The following HINFP variants were observed in gnomAD, a reference collection of about 807,000 sequenced individuals.
The protein encoded by HINFP is histone H4 transcription factor, also known as MBD2 (methyl-CpG-binding protein)-interacting zinc finger protein.
In HINFP, 20 loss-of-function variants were observed where a neutral mutation model predicts 50.1. That is an observed-to-expected ratio of 0.40 (90% CI 0.28 to 0.58). The LOEUF is 0.58. Ranked by LOEUF, HINFP falls within the 20% of genes least tolerant of loss-of-function variation. HINFP has a pLI of 0.45. For synonymous variants in HINFP, 247 were observed against 243.7 expected, an observed-to-expected ratio of 1.01 and a Z score of -0.13; for missense variants, 505 against 664.1, an observed-to-expected ratio of 0.76 and a Z score of 2.63.
At position 119,131,276 on chromosome 11, in the gene HINFP, A is replaced by G. The variant is rs183110124; in HGVS notation, c.412-259A>G. On this transcript the variant is annotated intron_variant, in intron 3 of 9. Coordinates refer to ENST00000350777, the MANE Select transcript of HINFP (RefSeq NM_198971.3). The surrounding 1 kb of genome is among the most constrained non-coding windows in gnomAD (Gnocchi z 4.2). ...GCTAACTTCTAAATTTTTTGTAGAG[A>G]CAAGGTCTGGGTGTGTTGCCCAGGC... 2.6e-3 allele frequency: 1,452 copies of G among 567,146 alleles called. 4 individuals carry two copies. Among genetic ancestry groups the G allele is most frequent in the Non-Finnish European group, 4.1e-3 (1,270 of 312,706 alleles). 35.1% of individuals were successfully genotyped at this position (567,146 alleles called of 1,614,324 possible).
rs1479606094 is a variant in HINFP at position 119,132,885 on chromosome 11, C to G, written c.897C>G (p.Leu299=). 1.2e-6 allele frequency: 2 copies of G among 1,614,214 alleles called. No homozygotes were observed. The highest frequency in any genetic ancestry group is 1.7e-6 in the Non-Finnish European group (2 of 1,180,040). The change falls in exon 8 of 10, where the codon CTC becomes CTG. Residue 299 remains leucine, a synonymous_variant. Transcript: ENST00000350777. ...GCAGCTGCAAGAATCTTATTGACCT[C>G]CAGAAGCACCTGGATACCCACAGCG... ...CDYSCKNLID[L]QKHLDTHSEE...
Position 119,127,006 on chromosome 11 carries a change from C to T in HINFP, c.62C>T (p.Ser21Phe), listed in dbSNP as rs772715836. ...CTGTGGCTACAGTGTGAGTGGGGGT[C>T]CTGCTCCTTTGTGTGCTCAACCATG... Reference protein sequence around the residue: ...ENLWLQCEWGSCSFVCSTMEK... With the variant: ...ENLWLQCEWGFCSFVCSTMEK... Residue 21 changes from serine (S) to phenylalanine (F), a missense_variant, in exon 2 of 10, where the codon TCC (serine) becomes TTC (phenylalanine). Coordinates refer to ENST00000350777, the MANE Select transcript of HINFP (RefSeq NM_198971.3). 6.2e-7 allele frequency: 1 copy of T among 1,614,008 alleles called. No individual in the cohort carries two copies. The highest frequency in any genetic ancestry group is 1.3e-5 in the African/African-American group (1 of 74,920).
intron 1 of HINFP, among the ~76,000 whole-genome samples, chr11:119,122,766 C>A (rs148859449): frequency 6.6e-6 from 1 of 152,116 alleles, no homozygotes; most frequent in East Asian, 1.9e-4. Flanking sequence ...GCCAGCTGTA[C>A]CTGGATGAAT....
In HINFP at chr11:119,131,336, G is replaced by T; in HGVS notation, c.412-199G>T. 1 of 602,606 alleles carries T rather than the reference G, an allele frequency of 1.7e-6. No individual in the cohort carries two copies. The highest frequency in any genetic ancestry group is 3.0e-6 in the Non-Finnish European group (1 of 331,940). The allele number at this position is 602,606 out of a possible 1,614,324, so 37.3% of individuals were successfully genotyped here. On this transcript the variant is annotated intron_variant, in intron 3 of 9. Transcript: ENST00000350777. The surrounding 1 kb of genome is among the most constrained non-coding windows in gnomAD (Gnocchi z 4.2). ...ACTCTTGGCCTCAAGTGATTCTCCT[G>T]CCTCAGCCTCTCAAAGTGCTGGGAT...
Position 119,134,356 on chromosome 11 carries a change from A to G in HINFP, c.1412A>G (p.Asn471Ser), listed in dbSNP as rs144762648. Residue 471 changes from asparagine (N) to serine (S), a missense_variant, in exon 10 of 10, where the codon AAT becomes AGT. Coordinates refer to ENST00000350777, the MANE Select transcript of HINFP (RefSeq NM_198971.3). The surrounding 1 kb of genome is among the most constrained non-coding windows in gnomAD (Gnocchi z 4.3). Reference protein sequence around the residue: ...SSVIHVVNQTNAQGQQEIVYY... With the variant: ...SSVIHVVNQTSAQGQQEIVYY... ...GTCATCCACGTGGTGAATCAGACCA[A>G]TGCCCAAGGCCAGCAAGAGATCGTC... 496 of 1,614,176 alleles carry G rather than the reference A, an allele frequency of 3.1e-4. No homozygotes were observed. The African/African-American group carries it at 4.8e-3, about 16-fold the overall frequency.
intron 1 of HINFP, among the ~76,000 whole-genome samples, chr11:119,122,675 A>C (rs1015061863): frequency 3.3e-5 from 5 of 152,176 alleles, no homozygotes; most frequent in Non-Finnish European, 7.4e-5. Context: ...TGTCCTGAGA[A>C]ACTCCTAGTC....
chr11:119,124,424 A>T (rs528051080), intron 1 of HINFP: 1 of 152,274 alleles, frequency 6.6e-6, no homozygotes, highest in South Asian at 2.1e-4. Flanking sequence ...AGAATTCCTG[A>T]GGAGAAGGTG....
intron 2 of HINFP, among the ~76,000 whole-genome samples, chr11:119,128,850 C>T (rs1327895268): frequency 6.6e-6 from 1 of 151,838 alleles, no homozygotes; most frequent in African/African-American, 2.4e-5. Context: ...AGGCACATGC[C>T]ACTATGCCCA....
intron 2 of HINFP, 50 bp from the exon 3 acceptor site, chr11:119,130,675 C>T: frequency 6.5e-7 from 1 of 1,540,966 alleles, no homozygotes; most frequent in African/African-American, 1.4e-5. Context: ...TGGAAGGTGA[C>T]CTGAGCCTTG....
Position 119,133,174 on chromosome 11 carries a change from G to A in HINFP, c.1094G>A (p.Arg365His), listed in dbSNP as rs1432794146. Residue 365 changes from arginine to histidine, a missense_variant, in exon 9 of 10, where the codon CGC becomes CAC. Coordinates refer to ENST00000350777, the MANE Select transcript of HINFP (RefSeq NM_198971.3). ...GGCAACAACCTCACCGTGCACCTTCGCAAGAAGCACCAGTTCAAGTGGCCC... is the reference window on the plus strand; with the variant it reads ...GGCAACAACCTCACCGTGCACCTTCACAAGAAGCACCAGTTCAAGTGGCCC... ...TRGNNLTVHL[R>H]KKHQFKWPSG... 4 of 1,614,188 alleles carry A rather than the reference G, an allele frequency of 2.5e-6. No individual in the cohort carries two copies. Among genetic ancestry groups the A allele is most frequent in the Non-Finnish European group, 2.5e-6 (3 of 1,180,056 alleles).
chr11:119,129,373 A>G (rs1003759959), intron 2 of HINFP, among the ~76,000 whole-genome samples: 4 of 150,944 alleles, frequency 2.6e-5, no homozygotes, highest in Admixed American at 2.0e-4. Flanking sequence ...GAGTCTTGCT[A>G]TGTTACCAGG....
At chr11:119,127,275 T>C in intron 2 of HINFP, 150 bp downstream of exon 2, 1 of 630,406 alleles carries the variant, frequency 1.6e-6, no homozygotes. Context: ...TGTAAACTCA[T>C]TTATAGAAAA....
intron 2 of HINFP, among the ~76,000 whole-genome samples, chr11:119,128,320 T>G (rs1479302233): frequency 4.6e-5 from 7 of 152,108 alleles, no homozygotes; most frequent in Non-Finnish European, 7.4e-5. Flanking sequence ...TTATTTTTTT[T>G]TTGAGATGGA....
At chr11:119,132,835 C>T (rs375828893) in intron 7 of HINFP, 29 bp from the exon 8 acceptor site, 9 of 1,614,126 alleles carry the variant, frequency 5.6e-6, no homozygotes, top group Non-Finnish European at 5.1e-6. Flanking sequence ...TCCCCATGTC[C>T]TCCAATCCCT....
chr11:119,131,007 C>G lies in HINFP; in HGVS notation c.411+53C>G. 1 of 1,398,132 alleles carries G rather than the reference C, an allele frequency of 7.2e-7. No homozygotes were observed. Among genetic ancestry groups the G allele is most frequent in the Non-Finnish European group, 1.0e-6 (1 of 983,518 alleles). The allele number at this position is 1,398,132 out of a possible 1,614,324, so 86.6% of individuals were successfully genotyped here. On this transcript the variant is annotated intron_variant, in intron 3 of 9. Transcript: ENST00000350777. The surrounding 1 kb of genome is among the most constrained non-coding windows in gnomAD (Gnocchi z 4.2). Reference sequence around the variant, plus strand: ...TGGAAGGAAGCTGGGGGTCTTAACTCTGATGCCTTGTCCCTTTCAGGGATG... The same window carrying G: ...TGGAAGGAAGCTGGGGGTCTTAACTGTGATGCCTTGTCCCTTTCAGGGATG...
At chr11:119,126,688 TAA>T in intron 1 of HINFP, 1 of 338,908 alleles carries the variant, frequency 3.0e-6, no homozygotes, top group Non-Finnish European at 5.4e-6. Flanking sequence ...AAATGTCTGT[TAA>T]AGCGTTTAGC....
rs1412560916 is a variant in HINFP at position 119,127,003 on chromosome 11, G to C, written c.59G>C (p.Gly20Ala). The C allele has an allele frequency of 5.0e-6, 8 of 1,614,108 alleles. No homozygotes were observed. The highest frequency in any genetic ancestry group is 6.8e-6 in the Non-Finnish European group (8 of 1,180,008). ...KENLWLQCEWGSCSFVCSTME... is the reference protein window; with the variant it reads ...KENLWLQCEWASCSFVCSTME... ...AATCTGTGGCTACAGTGTGAGTGGG[G>C]GTCCTGCTCCTTTGTGTGCTCAACC... is the stretch of plus-strand genomic sequence containing the variant. Residue 20 changes from glycine to alanine, a missense_variant, in exon 2 of 10, where the codon GGG (glycine) becomes GCG (alanine). Coordinates refer to ENST00000350777, the MANE Select transcript of HINFP (RefSeq NM_198971.3).
At chr11:119,125,944 C>G (rs542406510) in intron 1 of HINFP, 1 of 152,218 alleles carries the variant, frequency 6.6e-6, no homozygotes, top group South Asian at 2.1e-4. Flanking sequence ...GGAGTAGAAC[C>G]GTATATGGAC....
At chr11:119,132,420 G>A in intron 5 of HINFP, 76 bp from the exon 6 acceptor site, 1 of 1,474,780 alleles carries the variant, frequency 6.8e-7, no homozygotes, top group Non-Finnish European at 9.4e-7. Context: ...CTTCTGCCTG[G>A]GATGGTTCCC....
Sources: gnomAD v4.1 joint callset for allele counts (sites outside exome capture counted in the v4.1 genomes callset) on GRCh38, gnomAD v4.1.1 for gene constraint, Gnocchi (gnomAD v3.1) non-coding constraint, MANE v1.5 for transcripts, NCBI Gene and HGNC (gene_info 2026-07-23, HGNC 2026-07-21) for gene names.